Variants in COPB1 observed in about 807,000 individuals in gnomAD.
COPB1 encodes the protein coat protein complex I subunit beta 1.
Under a neutral mutation model 108.7 loss-of-function variants are expected in COPB1, and 21 were observed. The observed-to-expected ratio is 0.19, with a 90% CI of 0.14 to 0.28. The LOEUF is 0.28. Among genes scored for constraint, COPB1 ranks in the 10% least tolerant of loss-of-function variants. The probability of loss-of-function intolerance (pLI) is 1.00; values close to 1 mark genes in which losing one functional copy is unlikely to be tolerated. For synonymous variants in COPB1, 378 were observed against 386.8 expected (o/e 0.98, Z 0.27); for missense variants, 919 against 1,141.3 (o/e 0.81, Z 2.81).
At chr11:14,499,323 G>T (rs1338213487) in intron 1 of COPB1, among the ~76,000 whole-genome samples, 2 of 152,114 alleles carry the variant, frequency 1.3e-5, no homozygotes, top group Non-Finnish European at 2.9e-5. Context: ...GAGACCTTGT[G>T]CCTGAATACT....
chr11:14,467,970 T>C (rs930353334), intron 16 of COPB1, among the ~76,000 whole-genome samples: 1 of 152,190 alleles, frequency 6.6e-6, no homozygotes, highest in Non-Finnish European at 1.5e-5. Flanking sequence ...TGGAGATGGC[T>C]GCATAACAAT....
intron 4 of COPB1, among the ~76,000 whole-genome samples, chr11:14,491,087 C>T (rs1850890214): frequency 6.6e-6 from 1 of 151,908 alleles, no homozygotes; most frequent in Non-Finnish European, 1.5e-5. Flanking sequence ...CGTGCCCAGA[C>T]AAGGCTAGAG....
At position 14,474,568 on chromosome 11, in the gene COPB1, G is replaced by A. The variant is rs1212425861; in HGVS notation, c.1664C>T (p.Ala555Val). 6.2e-7 allele frequency: 1 copy of A among 1,613,978 alleles called. No homozygotes were observed. Among genetic ancestry groups the A allele is most frequent in the Admixed American group, 1.7e-5 (1 of 60,026 alleles). The change falls in exon 14 of 22, where the codon GCC (alanine) becomes GTC (valine). Residue 555 changes from alanine to valine, a missense_variant. Ala to Val is a moderately conservative substitution (Grantham distance 64). Coordinates refer to ENST00000439561, the MANE Select transcript of COPB1 (RefSeq NM_001144061.2). ...FLLDGDFFVA[A>V]SLATTLTKIA... is the part of the protein sequence containing the mutation. The stretch of plus-strand genomic sequence containing the variant: ...CTTGGTCAGAGTTGTGGCAAGGGAG[G>A]CAGCAACAAAGAAATCTCCATCCAG...
At chr11:14,489,715 G>C (rs905343073) in intron 5 of COPB1, among the ~76,000 whole-genome samples, 6 of 152,240 alleles carry the variant, frequency 3.9e-5, no homozygotes, top group Admixed American at 3.3e-4. Flanking sequence ...CCAGGGACTG[G>C]GAGGAAGTGG....
Position 14,493,728 on chromosome 11 carries a change from A to G in COPB1, c.405T>C (p.Pro135=), listed in dbSNP as rs746539494. The G allele has an allele frequency of 4.3e-6, 7 of 1,613,860 alleles. No homozygotes were observed. In the South Asian group the frequency reaches 7.7e-5, roughly 18 times the overall value. ...CKLKEAELLE[P]LMPAIRACLE... ...AACATGCACGAATAGCTGGCATTAAAGGTTCTAGCAATTCTGCTTCTTTCA... is the reference window on the plus strand; with the variant it reads ...AACATGCACGAATAGCTGGCATTAAGGGTTCTAGCAATTCTGCTTCTTTCA... Residue 135 remains proline, a synonymous_variant, in exon 4 of 22, where the codon CCT becomes CCC. Transcript: ENST00000439561.
At chr11:14,483,336 T>C (rs1200838330) in intron 7 of COPB1, among the ~76,000 whole-genome samples, 185 bp from the exon 8 acceptor site, 1 of 152,046 alleles carries the variant, frequency 6.6e-6, no homozygotes, top group Non-Finnish European at 1.5e-5. Flanking sequence ...TTCTGAGGAA[T>C]GGGTTCCTCT....
chr11:14,462,635 A>G (rs1315433034), intron 18 of COPB1, among the ~76,000 whole-genome samples: 1 of 151,708 alleles, frequency 6.6e-6, no homozygotes, highest in African/African-American at 2.4e-5. Flanking sequence ...TCTAAAAACA[A>G]CTCTCTCTCT....
chr11:14,472,997 C>T (rs1565015821), intron 14 of COPB1, among the ~76,000 whole-genome samples: 1 of 152,050 alleles, frequency 6.6e-6, no homozygotes, highest in Non-Finnish European at 1.5e-5. Context: ...TTCCTCGAGA[C>T]GGAGTCTTGT....
chr11:14,486,053 TTA>T (rs1850765193), intron 7 of COPB1, among the ~76,000 whole-genome samples: 1 of 152,006 alleles, frequency 6.6e-6, no homozygotes, highest in African/African-American at 2.4e-5. Flanking sequence ...GGAAGAGGGA[TTA>T]GTCTTGCTGT....
intron 18 of COPB1, among the ~76,000 whole-genome samples, chr11:14,462,598 T>C (rs1228440703): frequency 2.0e-5 from 3 of 152,172 alleles, no homozygotes; most frequent in Admixed American, 2.0e-4. Context: ...CTACCAAGAA[T>C]AAGCTCCTTT....
At chr11:14,474,927 C>T (rs1850486365) in intron 13 of COPB1, among the ~76,000 whole-genome samples, 1 of 151,838 alleles carries the variant, frequency 6.6e-6, no homozygotes, top group South Asian at 2.1e-4. Flanking sequence ...GAAACCCCGT[C>T]TCTACTAAAA....
intron 14 of COPB1, chr11:14,474,202 C>G (rs544702087): frequency 1.4e-5 from 3 of 221,044 alleles, no homozygotes; most frequent in East Asian, 1.0e-4. Context: ...TGGTCCTGAA[C>G]TAATCCCAGC....
intron 4 of COPB1, among the ~76,000 whole-genome samples, chr11:14,491,201 T>C (rs1035418751): frequency 2.6e-5 from 4 of 152,092 alleles, no homozygotes; most frequent in African/African-American, 7.2e-5. Context: ...CGTGCCACCA[T>C]GCCAGGCTAA....
Position 14,488,595 on chromosome 11 carries a change from TA to T in COPB1, c.607-12del. 6.4e-7 allele frequency: 1 copy of T among 1,563,726 alleles called. No individual in the cohort carries two copies. On this transcript the variant is annotated splice_polypyrimidine_tract_variant and intron_variant, in intron 5 of 21. Coordinates refer to ENST00000439561, the MANE Select transcript of COPB1 (RefSeq NM_001144061.2). ...ATCCAAAGCTCGATCCTAAAAAAAA[TA>T]AGAATATATTTATCATTCTCCACCT...
rs541073918 is a variant in COPB1 at position 14,464,425 on chromosome 11, T to C, written c.2410+486A>G. Among the ~76,000 whole-genome samples the C allele has an allele frequency of 2.6e-5, 4 of 152,354 alleles. No homozygotes were observed. The East Asian group carries it at 7.7e-4, about 29-fold the overall frequency. On this transcript the variant is annotated intron_variant, in intron 18 of 21. Transcript: ENST00000439561. ...ATAATCTATCATTTGTTCCTCACCA[T>C]GGTAGCCCTATCCTTATGACAGAAA... is the stretch of plus-strand genomic sequence containing the variant.
intron 3 of COPB1, 102 bp downstream of exon 3, chr11:14,494,108 T>A (rs150536745): frequency 2.5e-6 from 2 of 814,508 alleles, no homozygotes; most frequent in Non-Finnish European, 3.8e-6. Flanking sequence ...ACAACTTACA[T>A]CTTATCAAAG....
At chr11:14,461,072 T>G in intron 19 of COPB1, 114 bp downstream of exon 19, 1 of 1,309,042 alleles carries the variant, frequency 7.6e-7, no homozygotes, top group South Asian at 1.3e-5. Flanking sequence ...TGAAAGACTA[T>G]TTGCTTTTCA....
Position 14,469,493 on chromosome 11 carries a change from T to G in COPB1, c.1808A>C (p.Lys603Thr), listed in dbSNP as rs1387237461. ...LHLGKSSLPKKPITDDDVDRI... is the reference protein window; with the variant it reads ...LHLGKSSLPKTPITDDDVDRI... ...ATCCACATCATCATCAGTAATTGGC[T>G]TCTTAGGAAGAGAGGATTTTCCCAA... The change falls in exon 15 of 22, where the codon AAG (lysine) becomes ACG (threonine). Residue 603 changes from lysine to threonine, a missense_variant. Lys to Thr is a moderately conservative substitution (Grantham distance 78). Coordinates refer to ENST00000439561, the MANE Select transcript of COPB1 (RefSeq NM_001144061.2). 1 of 1,614,232 alleles carries G rather than the reference T, an allele frequency of 6.2e-7. No homozygotes were observed. The highest frequency in any genetic ancestry group is 1.1e-5 in the South Asian group (1 of 91,092).
At chr11:14,483,687 C>T (rs1273173653) in intron 7 of COPB1, among the ~76,000 whole-genome samples, 1 of 151,600 alleles carries the variant, frequency 6.6e-6, no homozygotes, top group Non-Finnish European at 1.5e-5. Context: ...AATGTCCATA[C>T]TGATACAAAG....
Sources: gnomAD v4.1 joint callset for allele counts (sites outside exome capture counted in the v4.1 genomes callset) on GRCh38, gnomAD v4.1.1 for gene constraint, MANE v1.5 for transcripts, NCBI Gene and HGNC (gene_info 2026-07-23, HGNC 2026-07-21) for gene names.